EFR3B: variants seen among roughly 807,000 people sequenced by gnomAD.
EFR3B encodes protein EFR3 homolog B.
In EFR3B, 64 loss-of-function variants were observed where a neutral mutation model predicts 104.7. That is an observed-to-expected ratio of 0.61 (90% CI 0.50 to 0.75). EFR3B has a LOEUF of 0.75. EFR3B is among the 30% of genes least tolerant of loss of function. The pLI is 0.00. For synonymous variants in EFR3B, 385 were observed against 417.9 expected, an observed-to-expected ratio of 0.92 and a Z score of 0.96; for missense variants, 750 against 1,078.5, an observed-to-expected ratio of 0.70 and a Z score of 4.27.
chr2:25,042,477 G>C lies in EFR3B; in HGVS notation c.7+158G>C. ...GCGGTCGCTCTGTGCGCGCGCGTCT[G>C]CGCTGCGAGGACAAAGATGCCTCGG... On this transcript the variant is annotated intron_variant, in intron 1 of 22. Transcript: ENST00000403714. The surrounding 1 kb of genome is among the most constrained non-coding windows in gnomAD (Gnocchi z 5.4). The C allele has an allele frequency of 8.3e-7, 1 of 1,206,604 alleles. No individual in the cohort carries two copies. Among genetic ancestry groups the C allele is most frequent in the South Asian group, 4.3e-5 (1 of 23,380 alleles). The allele number at this position is 1,206,604 out of a possible 1,614,324, so 74.7% of individuals were successfully genotyped here.
rs1558610599 is a variant in EFR3B at position 25,122,140 on chromosome 2, T to C, written c.485+346T>C. 2.0e-5 allele frequency among the ~76,000 whole-genome samples: 3 copies of C among 152,222 alleles called. No homozygotes were observed. In the South Asian group the frequency reaches 6.2e-4, roughly 32 times the overall value. ...CACCACCACGCCCGGCTAATATTTG[T>C]ATTTTTAGTAGAGATGGGGTTTTAC... On this transcript the variant is annotated intron_variant, in intron 5 of 22. Transcript: ENST00000403714.
In EFR3B at chr2:25,151,986, C is replaced by G; in HGVS notation, c.2264C>G (p.Pro755Arg). The change falls in exon 21 of 23, where the codon CCC (proline) becomes CGC (arginine). Residue 755 changes from proline (P) to arginine (R), a missense_variant. By Grantham distance (103) the Pro-to-Arg change is moderately radical. Transcript: ENST00000403714. ...GTGGTGGAGAAGTTCCAGAAGGCACCCTTCGAGGAGATTGCTGCACACTGC... is the reference window on the plus strand; with the variant it reads ...GTGGTGGAGAAGTTCCAGAAGGCACGCTTCGAGGAGATTGCTGCACACTGC... ...RQVVEKFQKA[P>R]FEEIAAHCGA... 6.4e-7 allele frequency: 1 copy of G among 1,551,666 alleles called. No homozygotes were observed. Among genetic ancestry groups the G allele is most frequent in the Non-Finnish European group, 8.7e-7 (1 of 1,146,992 alleles).
chr2:25,094,788 T>C (rs1209382718), intron 3 of EFR3B, among the ~76,000 whole-genome samples: 1 of 151,980 alleles, frequency 6.6e-6, no homozygotes, highest in Non-Finnish European at 1.5e-5. Context: ...TATTTACTTA[T>C]TTATTATTAT....
chr2:25,104,794 T>A (rs72852505), intron 4 of EFR3B, among the ~76,000 whole-genome samples: 16,993 of 152,176 alleles, frequency 0.11, 2,321 homozygotes, highest in African/African-American at 0.33. Flanking sequence ...CCTCAGTCTT[T>A]TCATCAGTAC....
chr2:25,127,885 C>A (rs1319164870), intron 5 of EFR3B, among the ~76,000 whole-genome samples: 1 of 152,190 alleles, frequency 6.6e-6, no homozygotes, highest in Non-Finnish European at 1.5e-5. Flanking sequence ...GCTGGAACAA[C>A]CCCAGCTAAG....
intron 1 of EFR3B, among the ~76,000 whole-genome samples, chr2:25,064,084 C>T (rs892348142): frequency 3.3e-5 from 5 of 152,182 alleles, no homozygotes; most frequent in African/African-American, 1.2e-4. Context: ...AATTCTGGTG[C>T]TTGCTTCTGA....
intron 1 of EFR3B, among the ~76,000 whole-genome samples, chr2:25,081,921 CTTTG>C (rs1486511057): frequency 5.9e-5 from 9 of 152,256 alleles, no homozygotes; most frequent in Admixed American, 2.0e-4. Flanking sequence ...GTGTTTGAGA[CTTTG>C]TTTGTTTCAA....
chr2:25,085,875 G>A (rs1302612955), intron 1 of EFR3B, among the ~76,000 whole-genome samples: 1 of 151,172 alleles, frequency 6.6e-6, no homozygotes, highest in Non-Finnish European at 1.5e-5. Flanking sequence ...TGTCCTTGGA[G>A]CCTTTTTCTG....
chr2:25,077,750 T>C (rs1434895995), intron 1 of EFR3B, among the ~76,000 whole-genome samples: 1 of 152,244 alleles, frequency 6.6e-6, no homozygotes, highest in Non-Finnish European at 1.5e-5. Context: ...TAGTTATCTT[T>C]GAATTACGTG....
At chr2:25,140,364 TTAGGTCTTAAC>T (rs916722065) in intron 16 of EFR3B, among the ~76,000 whole-genome samples, 67 of 152,044 alleles carry the variant, frequency 4.4e-4, no homozygotes, top group African/African-American at 1.5e-3. Flanking sequence ...ACAAGAAAAT[TTAGGTCTTAAC>T]TAGCCTGGGT....
chr2:25,158,278 G>A lies in EFR3B; in HGVS notation c.*3938G>A, dbSNP rs1671228817. 2 of 152,466 alleles carry A rather than the reference G, an allele frequency of 1.3e-5. No homozygotes were observed. 9.4% of individuals were successfully genotyped at this position (152,466 alleles called of 1,614,324 possible). ...GGCAGCTGGCCGGTTGGGGTCCTGT[G>A]GGAAAGGGCTAACCTGGGCTGTTAG... On this transcript the variant is annotated 3_prime_UTR_variant, in exon 23 of 23. Transcript: ENST00000403714.
At chr2:25,141,674 G>C (rs964197830) in intron 17 of EFR3B, among the ~76,000 whole-genome samples, 1 of 152,214 alleles carries the variant, frequency 6.6e-6, no homozygotes, top group Non-Finnish European at 1.5e-5. Context: ...CACAGCCTCC[G>C]GGGGCTTTGG....
intron 4 of EFR3B, among the ~76,000 whole-genome samples, chr2:25,120,853 G>C (rs1669992527): frequency 6.6e-6 from 1 of 152,154 alleles, no homozygotes; most frequent in African/African-American, 2.4e-5. Context: ...AACTGAAATG[G>C]CAAACTTTAA....
At chr2:25,079,840 C>G in intron 1 of EFR3B, 1 of 835,344 alleles carries the variant, frequency 1.2e-6, no homozygotes, top group South Asian at 1.3e-5. Flanking sequence ...TAACACAGAA[C>G]ACAGTATCCT....
At chr2:25,065,346 A>ATT (rs749717958) in intron 1 of EFR3B, among the ~76,000 whole-genome samples, 12 of 93,338 alleles carry the variant, frequency 1.3e-4, no homozygotes, top group East Asian at 3.1e-4. Context: ...ACACCCAGCT[A>ATT]TTTTTTTTTT....
chr2:25,117,379 A>G (rs1056113950), intron 4 of EFR3B, among the ~76,000 whole-genome samples: 1 of 142,882 alleles, frequency 7.0e-6, no homozygotes, highest in South Asian at 2.3e-4. Context: ...AAGTCCTCCC[A>G]CCTCCAGCCC....
Position 25,106,121 on chromosome 2 carries a change from G to A in EFR3B, c.363+2334G>A, listed in dbSNP as rs181840458. Reference sequence around the variant, plus strand: ...GAAGAGTGTCCTTTTGCTCCTCATCGTTTTAGACCTGCTAGCATGCTAGTG... The same window carrying A: ...GAAGAGTGTCCTTTTGCTCCTCATCATTTTAGACCTGCTAGCATGCTAGTG... On this transcript the variant is annotated intron_variant, in intron 4 of 22. Coordinates refer to ENST00000403714, the MANE Select transcript of EFR3B (RefSeq NM_014971.2). Among the ~76,000 whole-genome samples the A allele has an allele frequency of 1.7e-3, 265 of 152,204 alleles. 3 individuals are homozygous for A. Among genetic ancestry groups the A allele is most frequent in the African/African-American group, 5.8e-3 (240 of 41,516 alleles).
Position 25,042,358 on chromosome 2 carries a change from G to A in EFR3B, c.7+39G>A, listed in dbSNP as rs1261591534. On this transcript the variant is annotated intron_variant, in intron 1 of 22. Transcript: ENST00000403714. The surrounding 1 kb of genome is among the most constrained non-coding windows in gnomAD (Gnocchi z 5.4). ...CGCGCCCGGGCCCGGGCCCGCGGGG[G>A]CGACTCCGCAAACTTCCCCGGCGCG... The A allele has an allele frequency of 1.6e-6, 2 of 1,249,486 alleles. No individual in the cohort carries two copies. The highest frequency in any genetic ancestry group is 2.0e-6 in the Non-Finnish European group (2 of 995,786). The allele number at this position is 1,249,486 out of a possible 1,614,324, so 77.4% of individuals were successfully genotyped here.
intron 4 of EFR3B, 75 bp from the exon 5 acceptor site, chr2:25,121,598 G>T (rs1057410385): frequency 3.9e-6 from 6 of 1,531,810 alleles, no homozygotes; most frequent in Non-Finnish European, 5.3e-6. Flanking sequence ...CATGGCAGGG[G>T]GTCTGGGGAT....
Sources: gnomAD v4.1 joint callset for allele counts (sites outside exome capture counted in the v4.1 genomes callset) on GRCh38, gnomAD v4.1.1 for gene constraint, Gnocchi (gnomAD v3.1) non-coding constraint, MANE v1.5 for transcripts, NCBI Gene and HGNC (gene_info 2026-07-23, HGNC 2026-07-21) for gene names.